Variants in CENPH observed in about 807,000 individuals in gnomAD.
CENPH encodes the protein centromere protein H, also known as CENP-H.
A neutral mutation model predicts 42.9 loss-of-function variants in CENPH; 40 were observed. The observed-to-expected ratio is 0.93, with a 90% CI of 0.72 to 1.21. The LOEUF is 1.21. CENPH is among the 50% of genes most tolerant of loss of function. The pLI, the probability that CENPH is intolerant of heterozygous loss-of-function variation, is 0.00. For synonymous variants in CENPH, 88 were observed against 96.5 expected (o/e 0.91, Z 0.52); for missense variants, 302 against 292.9 (o/e 1.03, Z -0.23).
At chr5:69,191,893 G>GT in intron 2 of CENPH, 43 bp downstream of exon 2, 1 of 1,235,252 alleles carries the variant, frequency 8.1e-7, no homozygotes, top group Non-Finnish European at 1.2e-6. Flanking sequence ...TTGTTTGTTT[G>GT]TTTGTTTTTT....
intron 3 of CENPH, 92 bp from the exon 4 acceptor site, chr5:69,195,625 T>C (rs1002000515): frequency 1.2e-5 from 9 of 723,038 alleles, no homozygotes; most frequent in Non-Finnish European, 2.1e-5. Context: ...ATAGAGGTGT[T>C]TTACTTTTTT....
intron 7 of CENPH, among the ~76,000 whole-genome samples, chr5:69,205,501 A>G (rs972329906): frequency 5.9e-5 from 9 of 152,120 alleles, no homozygotes; most frequent in Admixed American, 1.3e-4. Context: ...TGCTGGGATT[A>G]TAGGCGTAAG....
intron 7 of CENPH, among the ~76,000 whole-genome samples, chr5:69,207,481 G>T (rs1401683945): frequency 6.6e-6 from 1 of 150,974 alleles, no homozygotes; most frequent in Non-Finnish European, 1.5e-5. Context: ...GAGCCACCGT[G>T]CCTGGCCAAA....
chr5:69,193,137 A>G (rs978901675), intron 2 of CENPH, among the ~76,000 whole-genome samples: 1 of 151,316 alleles, frequency 6.6e-6, no homozygotes, highest in African/African-American at 2.4e-5. Context: ...ATATACACAC[A>G]CACATATACG....
intron 5 of CENPH, 82 bp from the exon 6 acceptor site, chr5:69,202,424 T>G: frequency 2.6e-6 from 2 of 784,106 alleles, no homozygotes; most frequent in Non-Finnish European, 4.3e-6. Flanking sequence ...TTTCACTCAT[T>G]GATTCCTTCA....
At chr5:69,202,158 T>C (rs1307465124) in intron 5 of CENPH, among the ~76,000 whole-genome samples, 3 of 152,188 alleles carry the variant, frequency 2.0e-5, no homozygotes, top group Non-Finnish European at 4.4e-5. Context: ...AAAACTAAAA[T>C]TGCTCTAAAA....
intron 5 of CENPH, among the ~76,000 whole-genome samples, chr5:69,198,455 A>G (rs889289862): frequency 1.3e-5 from 2 of 152,004 alleles, no homozygotes; most frequent in East Asian, 3.9e-4. Flanking sequence ...ACTCCCAGGT[A>G]ATTTTTGTAT....
At chr5:69,208,977 G>C (rs1748205103) in intron 8 of CENPH, among the ~76,000 whole-genome samples, 1 of 148,926 alleles carries the variant, frequency 6.7e-6, no homozygotes, top group African/African-American at 2.5e-5. Flanking sequence ...GTGTTTTTTG[G>C]TAGAGATGGG....
At chr5:69,206,408 C>G (rs751715415) in intron 7 of CENPH, among the ~76,000 whole-genome samples, 5 of 150,706 alleles carry the variant, frequency 3.3e-5, no homozygotes, top group Non-Finnish European at 7.4e-5. Context: ...CTCGAACTCC[C>G]TACCTCAGGT....
intron 4 of CENPH, 149 bp downstream of exon 4, chr5:69,195,940 A>C: frequency 1.8e-6 from 1 of 550,484 alleles, no homozygotes; most frequent in South Asian, 2.2e-5. Flanking sequence ...TTATTTTATT[A>C]TTGTTATAAT....
At chr5:69,195,568 T>C in intron 3 of CENPH, 149 bp from the exon 4 acceptor site, 1 of 582,240 alleles carries the variant, frequency 1.7e-6, no homozygotes, top group South Asian at 2.1e-5. Context: ...TTACCAAATG[T>C]GTAAATACAC....
chr5:69,197,097 G>T lies in CENPH; in HGVS notation c.359G>T (p.Ser120Ile). ...CTTAAAAAAAACCTGGAGAAAATTAGCAGACAGTCTAGGTATGATTTTTTT... is the reference window on the plus strand; with the variant it reads ...CTTAAAAAAAACCTGGAGAAAATTATCAGACAGTCTAGGTATGATTTTTTT... ...TALKKNLEKISRQSSVLMDNM... is the reference protein window; with the variant it reads ...TALKKNLEKIIRQSSVLMDNM... Residue 120 changes from serine to isoleucine, a missense_variant, in exon 5 of 9, where the codon AGC (serine) becomes ATC (isoleucine). By Grantham distance (142) the Ser-to-Ile change is moderately radical (BLOSUM62 -2). Transcript: ENST00000283006. 1 of 1,579,476 alleles carries T rather than the reference G, an allele frequency of 6.3e-7. No individual in the cohort carries two copies. Among genetic ancestry groups the T allele is most frequent in the Non-Finnish European group, 8.6e-7 (1 of 1,167,954 alleles).
intron 1 of CENPH, among the ~76,000 whole-genome samples, chr5:69,190,164 A>G (rs7736312): frequency 0.16 from 24,799 of 152,028 alleles, 2,297 homozygotes; most frequent in African/African-American, 0.25. Flanking sequence ...CAGAAGCTTT[A>G]TATGTTATAA....
chr5:69,191,329 G>C (rs549492609), intron 1 of CENPH, among the ~76,000 whole-genome samples: 4 of 152,242 alleles, frequency 2.6e-5, no homozygotes, highest in Admixed American at 2.6e-4. Context: ...TGGCTAACAC[G>C]GTGAAACCCC....
intron 5 of CENPH, among the ~76,000 whole-genome samples, chr5:69,202,057 C>G (rs868604346): frequency 1.3e-5 from 2 of 152,122 alleles, no homozygotes; most frequent in African/African-American, 4.8e-5. Flanking sequence ...ACCTTCCACT[C>G]GGTTTTGCTG....
rs767946044 is a variant in CENPH at position 69,189,602 on chromosome 5, C to T, written c.-33C>T. ...AGCGACCTTTTCTGAGCGCGTTTGC[C>T]TGTTGAGTGGTAGCCTTTCCCCTCA... On this transcript the variant is annotated 5_prime_UTR_variant, in exon 1 of 9. Transcript: ENST00000283006. 41 of 1,560,966 alleles carry T rather than the reference C, an allele frequency of 2.6e-5. No individual in the cohort carries two copies. The highest frequency in any genetic ancestry group is 3.7e-5 in the Admixed American group (2 of 53,712).
intron 5 of CENPH, among the ~76,000 whole-genome samples, chr5:69,197,912 T>A (rs1747991242): frequency 8.4e-6 from 1 of 119,200 alleles, no homozygotes; most frequent in African/African-American, 3.2e-5. Flanking sequence ...TTACCTATGA[T>A]CTTTTTTTTT....
rs918907434 is a variant in CENPH at position 69,203,116 on chromosome 5, T to C, written c.487+146T>C. 9 of 652,646 alleles carry C rather than the reference T, an allele frequency of 1.4e-5. No individual in the cohort carries two copies. In the African/African-American group the frequency reaches 1.5e-4, roughly 11 times the overall value. 40.4% of individuals were successfully genotyped at this position (652,646 alleles called of 1,614,324 possible). ...TTTGACATGGCAACTTAAAAAGTGA[T>C]ATAAAGTACATTTTGTTCTGTTTAT... On this transcript the variant is annotated intron_variant, in intron 7 of 8. Coordinates refer to ENST00000283006, the MANE Select transcript of CENPH (RefSeq NM_022909.4).
At chr5:69,201,224 G>T (rs141581105) in intron 5 of CENPH, among the ~76,000 whole-genome samples, 2 of 152,102 alleles carry the variant, frequency 1.3e-5, no homozygotes, top group South Asian at 2.1e-4. Flanking sequence ...ACTGCTCTGC[G>T]CAGTCTTATT....
Sources: allele counts gnomAD v4.1 joint callset (sites outside exome capture counted in the v4.1 genomes callset), GRCh38; gene constraint gnomAD v4.1.1; transcripts MANE v1.5; gene names NCBI Gene and HGNC (gene_info 2026-07-23, HGNC 2026-07-21).